CNTLN: variants seen among roughly 807,000 people sequenced by gnomAD.
CNTLN encodes the protein centlein, centrosomal protein.
CNTLN carries 212 observed loss-of-function variants against 180.0 expected under a neutral mutation model. The ratio of observed to expected loss-of-function variants is 1.18; its 90% CI spans 1.05 to 1.32. The LOEUF (loss-of-function observed/expected upper bound fraction) is 1.32, where lower values mean the gene tolerates loss of function less well. CNTLN is among the 40% of genes most tolerant of loss of function. The pLI is 0.00. For missense variants in CNTLN, 2,095 were observed against 1,610.9 expected, an observed-to-expected ratio of 1.30 and a Z score of -5.14; for synonymous variants, 722 against 563.1, an observed-to-expected ratio of 1.28 and a Z score of -3.99.
chr9:17,307,347 C>A (rs1759615), intron 7 of CNTLN, among the ~76,000 whole-genome samples: 23,985 of 152,024 alleles, frequency 0.16, 2,086 homozygotes, highest in South Asian at 0.28. Flanking sequence ...CGGCTCACTG[C>A]AGCCTCGACC....
chr9:17,330,549 T>C, intron 8 of CNTLN, 83 bp from the exon 9 acceptor site: 3 of 729,160 alleles, frequency 4.1e-6, no homozygotes, highest in Non-Finnish European at 4.2e-6. Flanking sequence ...TTCTATAATA[T>C]AGTGTTACAT....
chr9:17,502,378 G>T (rs1170991357), intron 25 of CNTLN, among the ~76,000 whole-genome samples, 173 bp from the exon 26 acceptor site: 1 of 152,108 alleles, frequency 6.6e-6, no homozygotes, highest in Non-Finnish European at 1.5e-5. Flanking sequence ...TATTAGAAAA[G>T]ACAAAATTAC....
At chr9:17,191,379 G>GTGC (rs1821778051) in intron 2 of CNTLN, among the ~76,000 whole-genome samples, 1 of 152,196 alleles carries the variant, frequency 6.6e-6, no homozygotes, top group African/African-American at 2.4e-5. Context: ...GTGTCCAATA[G>GTGC]ATGTCAAGTA....
intron 13 of CNTLN, among the ~76,000 whole-genome samples, chr9:17,369,522 T>C (rs1396185837): frequency 6.6e-6 from 1 of 151,530 alleles, no homozygotes; most frequent in African/African-American, 2.4e-5. Context: ...AAATTCAAGA[T>C]AACATGGAGA....
chr9:17,250,105 T>C (rs906197753), intron 5 of CNTLN, among the ~76,000 whole-genome samples: 6 of 151,968 alleles, frequency 3.9e-5, no homozygotes, highest in African/African-American at 1.4e-4. Context: ...TCTCGATAAG[T>C]TGATTATTAG....
At chr9:17,277,788 T>A (rs1430334884) in intron 6 of CNTLN, among the ~76,000 whole-genome samples, 1 of 152,220 alleles carries the variant, frequency 6.6e-6, no homozygotes. Context: ...AGTGCACATA[T>A]AATGAAAAAT....
intron 15 of CNTLN, among the ~76,000 whole-genome samples, chr9:17,408,301 G>A (rs766786927): frequency 3.9e-5 from 6 of 151,982 alleles, no homozygotes; most frequent in Non-Finnish European, 7.4e-5. Flanking sequence ...TTACTTAAAT[G>A]TTCCACACAA....
chr9:17,333,698 G>A (rs1820794214), intron 10 of CNTLN, among the ~76,000 whole-genome samples: 1 of 151,786 alleles, frequency 6.6e-6, no homozygotes, highest in South Asian at 2.1e-4. Flanking sequence ...TTCATTCAGA[G>A]TTAAACTGCT....
chr9:17,221,038 G>A (rs774356756), intron 2 of CNTLN, among the ~76,000 whole-genome samples: 7 of 152,126 alleles, frequency 4.6e-5, no homozygotes, highest in Non-Finnish European at 7.4e-5. Context: ...CTATCTGACT[G>A]TAGTTAATGC....
intron 5 of CNTLN, among the ~76,000 whole-genome samples, chr9:17,257,447 G>A (rs1480673786): frequency 6.6e-6 from 1 of 152,042 alleles, no homozygotes; most frequent in Non-Finnish European, 1.5e-5. Context: ...AGGTGTGCAT[G>A]TGTCTTTATA....
chr9:17,516,499 G>A, the CNTLN span, among the ~76,000 whole-genome samples: 2 of 152,224 alleles, frequency 1.3e-5, no homozygotes, highest in African/African-American at 4.8e-5. Flanking sequence ...TAGGTTCAAT[G>A]AAGAAGGAAC....
chr9:17,199,994 C>A (rs1424228426), intron 2 of CNTLN, among the ~76,000 whole-genome samples: 2 of 152,072 alleles, frequency 1.3e-5, no homozygotes, highest in African/African-American at 4.8e-5. Flanking sequence ...GTTCTTAATC[C>A]ATCCTGAGTT....
At chr9:17,264,676 A>C (rs866684126) in intron 5 of CNTLN, among the ~76,000 whole-genome samples, 2 of 145,510 alleles carry the variant, frequency 1.4e-5, no homozygotes, top group East Asian at 4.0e-4. Flanking sequence ...CTACCCATGA[A>C]CATGGAATGT....
chr9:17,358,524 C>G (rs995634493), intron 12 of CNTLN, among the ~76,000 whole-genome samples: 1 of 151,942 alleles, frequency 6.6e-6, no homozygotes, highest in Non-Finnish European at 1.5e-5. Context: ...TGTGTATGTA[C>G]TACATATACA....
rs148686444 is a variant in CNTLN at position 17,309,950 on chromosome 9, C to T, written c.1341+698C>T. 1.6e-3 allele frequency among the ~76,000 whole-genome samples: 239 copies of T among 152,012 alleles called. 1 individual carries two copies. The highest frequency in any genetic ancestry group is 5.4e-3 in the African/African-American group (222 of 41,474). On this transcript the variant is annotated intron_variant, in intron 8 of 25. Transcript: ENST00000380647. ...TCAGTAATGGATTGTAATTTTTGAA[C>T]GCAGCACATTTGTCTTGCTAATTAA... is the stretch of plus-strand genomic sequence containing the variant.
chr9:17,399,096 G>A (rs572451708), intron 15 of CNTLN, among the ~76,000 whole-genome samples: 92 of 152,280 alleles, frequency 6.0e-4, no homozygotes, highest in African/African-American at 2.2e-3. Context: ...TGGGACGCAA[G>A]TCCTTTCTTT....
intron 5 of CNTLN, among the ~76,000 whole-genome samples, chr9:17,237,488 A>C (rs937699772): frequency 1.0e-3 from 154 of 150,676 alleles, no homozygotes; most frequent in Non-Finnish European, 1.8e-3. Flanking sequence ...GAAAAAAAAA[A>C]CAACACAATT....
chr9:17,427,410 T>TA (rs1829158758), intron 18 of CNTLN, among the ~76,000 whole-genome samples: 1 of 151,904 alleles, frequency 6.6e-6, no homozygotes, highest in African/African-American at 2.4e-5. Context: ...TTAGATAGTT[T>TA]AAAAAAAATT....
At chr9:17,276,080 C>T (rs1056661583) in intron 6 of CNTLN, among the ~76,000 whole-genome samples, 5 of 152,060 alleles carry the variant, frequency 3.3e-5, no homozygotes, top group Admixed American at 2.6e-4. Context: ...ATGTCAGCAT[C>T]AAGCAATATA....
Sources: allele counts gnomAD v4.1 joint callset (sites outside exome capture counted in the v4.1 genomes callset), GRCh38; gene constraint gnomAD v4.1.1; transcripts MANE v1.5; gene names NCBI Gene and HGNC (gene_info 2026-07-23, HGNC 2026-07-21).